RBFOX1: variants seen among roughly 807,000 people sequenced by gnomAD.
RBFOX1 encodes RNA binding protein fox-1 homolog 1.
In RBFOX1, 8 loss-of-function variants were observed where a neutral mutation model predicts 57.7. The ratio of observed to expected loss-of-function variants is 0.14; its 90% CI spans 0.08 to 0.25. The LOEUF (loss-of-function observed/expected upper bound fraction) is 0.25, where lower values mean the gene tolerates loss of function less well. Among genes scored for constraint, RBFOX1 ranks in the 10% least tolerant of loss-of-function variants. The probability of loss-of-function intolerance (pLI) is 1.00; values close to 1 mark genes in which losing one functional copy is unlikely to be tolerated. For missense variants in RBFOX1, 611 were observed against 548.5 expected (o/e 1.11, Z -1.14); for synonymous variants, 326 against 222.4 (o/e 1.47, Z -4.15).
At chr16:7,650,943 C>G (rs533823373) in intron 11 of RBFOX1, among the ~76,000 whole-genome samples, 1 of 152,110 alleles carries the variant, frequency 6.6e-6, no homozygotes, top group Non-Finnish European at 1.5e-5. Context: ...CTCGTGTTCC[C>G]CATTAAGACC....
chr16:7,332,306 C>T (rs1025129733), intron 4 of RBFOX1, among the ~76,000 whole-genome samples: 3 of 152,148 alleles, frequency 2.0e-5, no homozygotes, highest in Admixed American at 6.5e-5. Context: ...TTACATAACA[C>T]GTGTAAATAA....
intron 14 of RBFOX1, among the ~76,000 whole-genome samples, chr16:7,681,247 A>G (rs990271876): frequency 6.6e-6 from 1 of 152,162 alleles, no homozygotes; most frequent in Non-Finnish European, 1.5e-5. Flanking sequence ...AGATGGATAG[A>G]TGGAGATAAA....
At chr16:7,074,266 T>G (rs1340640321) in intron 4 of RBFOX1, among the ~76,000 whole-genome samples, 1 of 152,208 alleles carries the variant, frequency 6.6e-6, no homozygotes, top group Non-Finnish European at 1.5e-5. Flanking sequence ...ATGGACATGA[T>G]GAGTTCGCAG....
chr16:5,954,586 G>A (rs1238879398), intron 4 of RBFOX1, among the ~76,000 whole-genome samples: 2 of 152,156 alleles, frequency 1.3e-5, no homozygotes, highest in Non-Finnish European at 2.9e-5. Flanking sequence ...AGGCCAGAAA[G>A]GGCATTGTTT....
chr16:5,606,234 C>T (rs578193854), intron 3 of RBFOX1, among the ~76,000 whole-genome samples: 8 of 152,254 alleles, frequency 5.3e-5, no homozygotes, highest in African/African-American at 1.9e-4. Context: ...TTATCTGCTA[C>T]TCTCCTCCCA....
At chr16:6,582,693 C>G (rs974579409) in intron 2 of RBFOX1, among the ~76,000 whole-genome samples, 1 of 151,770 alleles carries the variant, frequency 6.6e-6, no homozygotes, top group African/African-American at 2.4e-5. Flanking sequence ...TTTCTCTCTT[C>G]TCACTTCTTC....
intron 5 of RBFOX1, among the ~76,000 whole-genome samples, chr16:7,538,943 G>A (rs1371481718): frequency 6.7e-6 from 1 of 149,136 alleles, no homozygotes; most frequent in Admixed American, 6.9e-5. Context: ...CTTTCATATG[G>A]GCATCATCTT....
chr16:7,136,147 G>A (rs916908901), intron 4 of RBFOX1, among the ~76,000 whole-genome samples: 2 of 152,170 alleles, frequency 1.3e-5, no homozygotes, highest in African/African-American at 4.8e-5. Context: ...CACAGTAAAT[G>A]GAAAGACCTC....
At chr16:5,334,240 G>A (rs915052350) in intron 1 of RBFOX1, among the ~76,000 whole-genome samples, 2 of 152,140 alleles carry the variant, frequency 1.3e-5, no homozygotes, top group African/African-American at 4.8e-5. Context: ...TCTCAGGGCT[G>A]GTATGTCTCT....
At chr16:7,051,823 G>T (rs564834049) in intron 3 of RBFOX1, among the ~76,000 whole-genome samples, 1 of 152,116 alleles carries the variant, frequency 6.6e-6, no homozygotes, top group Non-Finnish European at 1.5e-5. Flanking sequence ...ACTCCTGCAC[G>T]TCTCTCCTCT....
chr16:7,566,864 A>AAATTTAGG lies in RBFOX1; in HGVS notation c.271-12912_271-12905dup, dbSNP rs555401652. Reference sequence around the variant, plus strand: ...TGTGAACTTTCTGAAATCGTATGCAAAATTTAGGTGTATGTGTATTTTCCC... The same window carrying AAATTTAGG: ...TGTGAACTTTCTGAAATCGTATGCAAAATTTAGGAATTTAGGTGTATGTGTATTTTCCC... On this transcript the variant is annotated intron_variant, in intron 5 of 15. Coordinates refer to ENST00000550418, the MANE Select transcript of RBFOX1 (RefSeq NM_018723.4). Among the ~76,000 whole-genome samples, 496 of 152,156 alleles carry AAATTTAGG rather than the reference A, an allele frequency of 3.3e-3. 3 individuals are homozygous for AAATTTAGG. Among genetic ancestry groups the AAATTTAGG allele is most frequent in the Middle Eastern group, 6.8e-3 (2 of 294 alleles).
At chr16:7,677,449 A>G (rs1431920256) in intron 14 of RBFOX1, among the ~76,000 whole-genome samples, 4 of 152,142 alleles carry the variant, frequency 2.6e-5, no homozygotes, top group Non-Finnish European at 5.9e-5. Context: ...CCACATGTTA[A>G]GGCAGGCAGT....
chr16:5,362,891 C>G (rs530324243), intron 1 of RBFOX1, among the ~76,000 whole-genome samples: 1 of 152,198 alleles, frequency 6.6e-6, no homozygotes, highest in Non-Finnish European at 1.5e-5. Context: ...AAATAATGTT[C>G]CACTGTATGA....
chr16:5,792,183 A>G (rs2054725079), intron 3 of RBFOX1, among the ~76,000 whole-genome samples: 1 of 152,218 alleles, frequency 6.6e-6, no homozygotes, highest in African/African-American at 2.4e-5. Flanking sequence ...GGACAAGGCC[A>G]ATTTTCAAGT....
intron 1 of RBFOX1, among the ~76,000 whole-genome samples, chr16:6,224,450 C>T (rs1314604521): frequency 6.6e-6 from 1 of 151,980 alleles, no homozygotes; most frequent in African/African-American, 2.4e-5. Context: ...AAGTATTTTA[C>T]AAATTCTTAG....
intron 3 of RBFOX1, among the ~76,000 whole-genome samples, chr16:6,823,115 C>G (rs1567413590): frequency 6.6e-6 from 1 of 152,118 alleles, no homozygotes; most frequent in Admixed American, 6.6e-5. Context: ...GGGTCATAGC[C>G]ATTTTATGAA....
chr16:6,636,639 G>A (rs992788749), intron 2 of RBFOX1, among the ~76,000 whole-genome samples: 1 of 150,898 alleles, frequency 6.6e-6, no homozygotes, highest in Non-Finnish European at 1.5e-5. Flanking sequence ...TTTGAAATGT[G>A]TAAACATTGC....
Position 6,075,231 on chromosome 16 carries a change from T to C in RBFOX1, c.-127+55239T>C, listed in dbSNP as rs2095881382. ...TGAAGTTAAAATGAGTACTTTGCAATGCCATTACCGATGCATAAACTTTGA... is the reference window on the plus strand; with the variant it reads ...TGAAGTTAAAATGAGTACTTTGCAACGCCATTACCGATGCATAAACTTTGA... On this transcript the variant is annotated intron_variant, in intron 1 of 15. Coordinates refer to ENST00000550418, the MANE Select transcript of RBFOX1 (RefSeq NM_018723.4). Among the ~76,000 whole-genome samples the C allele has an allele frequency of 2.6e-5, 4 of 152,348 alleles. No individual in the cohort carries two copies. The South Asian group carries it at 8.3e-4, about 32-fold the overall frequency.
chr16:5,673,306 G>A (rs1259856702), intron 3 of RBFOX1, among the ~76,000 whole-genome samples: 1 of 152,114 alleles, frequency 6.6e-6, no homozygotes, highest in African/African-American at 2.4e-5. Flanking sequence ...TGGCACCCAG[G>A]AGCCAGGCAG....
Sources: allele counts gnomAD v4.1 joint callset (sites outside exome capture counted in the v4.1 genomes callset), GRCh38; gene constraint gnomAD v4.1.1; transcripts MANE v1.5; gene names NCBI Gene and HGNC (gene_info 2026-07-23, HGNC 2026-07-21).